CTNND2: variants seen among roughly 807,000 people sequenced by gnomAD.
CTNND2 encodes catenin delta-2.
In CTNND2, 22 loss-of-function variants were observed where a neutral mutation model predicts 144.4. That is an observed-to-expected ratio of 0.15 (90% confidence interval 0.11 to 0.22). The LOEUF (loss-of-function observed/expected upper bound fraction) is 0.22, where lower values mean the gene tolerates loss of function less well. Ranked by LOEUF, CTNND2 falls within the 10% of genes least tolerant of loss-of-function variation. CTNND2 has a pLI of 1.00. For synonymous variants in CTNND2, 751 were observed against 695.6 expected (o/e 1.08, Z -1.25); for missense variants, 1,353 against 1,618.8 (o/e 0.84, Z 2.82).
intron 1 of CTNND2, among the ~76,000 whole-genome samples, chr5:11,899,490 G>A (rs1415406477): frequency 6.6e-6 from 1 of 152,094 alleles, no homozygotes; most frequent in East Asian, 1.9e-4. Context: ...TTTCAGAATA[G>A]AAAGTTTAGC....
intron 3 of CTNND2, among the ~76,000 whole-genome samples, chr5:11,530,168 T>C (rs1773614426): frequency 6.6e-6 from 1 of 151,598 alleles, no homozygotes; most frequent in South Asian, 2.1e-4. Flanking sequence ...ACAACTCTAC[T>C]GGGGAAGCAA....
chr5:11,443,350 T>G (rs1329945627), intron 3 of CTNND2, among the ~76,000 whole-genome samples: 1 of 44,216 alleles, frequency 2.3e-5, no homozygotes, highest in Non-Finnish European at 3.9e-5. Flanking sequence ...GGGGAGTGTG[T>G]GGGAGGGTGT....
At chr5:11,532,632 T>C (rs1322009010) in intron 3 of CTNND2, among the ~76,000 whole-genome samples, 1 of 152,150 alleles carries the variant, frequency 6.6e-6, no homozygotes, top group East Asian at 1.9e-4. Flanking sequence ...GTGGTGAAAT[T>C]AACAGAAAGT....
chr5:11,075,962 G>A (rs1428990600), intron 16 of CTNND2, among the ~76,000 whole-genome samples: 2 of 152,134 alleles, frequency 1.3e-5, no homozygotes, highest in African/African-American at 2.4e-5. Flanking sequence ...GAATAAATAC[G>A]CTGTGTTATT....
chr5:11,077,150 C>T (rs963185841), intron 16 of CTNND2, among the ~76,000 whole-genome samples: 1 of 151,960 alleles, frequency 6.6e-6, no homozygotes, highest in Non-Finnish European at 1.5e-5. Context: ...TTTATTAAGT[C>T]CCTACTACAG....
At chr5:11,349,665 C>T (rs756364446) in intron 8 of CTNND2, among the ~76,000 whole-genome samples, 3 of 152,068 alleles carry the variant, frequency 2.0e-5, no homozygotes, top group Non-Finnish European at 4.4e-5. Flanking sequence ...GATGGGTTCA[C>T]TAAGGAATTA....
At chr5:11,624,279 G>A (rs1781033735) in intron 2 of CTNND2, among the ~76,000 whole-genome samples, 1 of 151,996 alleles carries the variant, frequency 6.6e-6, no homozygotes, top group African/African-American at 2.4e-5. Context: ...TACATGTCTT[G>A]ACCAATACTG....
intron 3 of CTNND2, among the ~76,000 whole-genome samples, chr5:11,553,802 G>A (rs1402157984): frequency 6.6e-6 from 1 of 152,032 alleles, no homozygotes; most frequent in East Asian, 1.9e-4. Flanking sequence ...ATTCATTAGA[G>A]TTAGTTTTTG....
intron 9 of CTNND2, among the ~76,000 whole-genome samples, chr5:11,246,702 A>T (rs1386827943): frequency 1.8e-5 from 2 of 108,410 alleles, no homozygotes; most frequent in East Asian, 6.4e-4. Context: ...GGGACACGAC[A>T]GTCTGTGTGT....
intron 2 of CTNND2, among the ~76,000 whole-genome samples, chr5:11,677,950 C>G (rs922398797): frequency 6.6e-6 from 1 of 152,080 alleles, no homozygotes; most frequent in African/African-American, 2.4e-5. Context: ...TTATTTTCTA[C>G]TGGGCCAAAA....
chr5:11,122,481 C>T (rs888188959), intron 12 of CTNND2, among the ~76,000 whole-genome samples: 1 of 151,944 alleles, frequency 6.6e-6, no homozygotes, highest in African/African-American at 2.4e-5. Context: ...CTCTCCCTCA[C>T]CTTCTCCTTG....
At chr5:11,898,737 G>A (rs1737610563) in intron 1 of CTNND2, among the ~76,000 whole-genome samples, 1 of 152,094 alleles carries the variant, frequency 6.6e-6, no homozygotes, top group Non-Finnish European at 1.5e-5. Context: ...ATCATAACAT[G>A]TATTTTGCTC....
At chr5:11,235,208 G>T (rs1741491862) in intron 10 of CTNND2, among the ~76,000 whole-genome samples, 1 of 152,120 alleles carries the variant, frequency 6.6e-6, no homozygotes, top group South Asian at 2.1e-4. Context: ...GACCTTCAGA[G>T]AAACCCTCAA....
chr5:11,345,032 C>T (rs1213342875), intron 9 of CTNND2, among the ~76,000 whole-genome samples: 1 of 152,068 alleles, frequency 6.6e-6, no homozygotes, highest in Non-Finnish European at 1.5e-5. Context: ...TAAACAATGT[C>T]AAATCACATA....
chr5:11,062,627 T>C (rs1490279744), intron 16 of CTNND2, among the ~76,000 whole-genome samples: 1 of 152,160 alleles, frequency 6.6e-6, no homozygotes, highest in Non-Finnish European at 1.5e-5. Context: ...AACGCCAAGC[T>C]CATAGCTATA....
chr5:11,253,970 A>G (rs1464813425), intron 9 of CTNND2, among the ~76,000 whole-genome samples: 1 of 152,126 alleles, frequency 6.6e-6, no homozygotes, highest in Non-Finnish European at 1.5e-5. Context: ...GGTGTAATCT[A>G]TTGCCTTGAC....
chr5:11,484,315 C>T (rs539938793), intron 3 of CTNND2, among the ~76,000 whole-genome samples: 9 of 152,188 alleles, frequency 5.9e-5, no homozygotes, highest in Non-Finnish European at 1.5e-5. Context: ...GAATTTGGCT[C>T]CGAATCTGCC....
chr5:11,442,681 AGT>A (rs935629292), intron 3 of CTNND2, among the ~76,000 whole-genome samples: 1 of 151,570 alleles, frequency 6.6e-6, no homozygotes, highest in African/African-American at 2.4e-5. Context: ...TTCCTACTGA[AGT>A]GTAAGGAAAG....
intron 1 of CTNND2, among the ~76,000 whole-genome samples, chr5:11,847,643 AAAG>A (rs1386181836): frequency 1.3e-5 from 2 of 152,162 alleles, no homozygotes; most frequent in African/African-American, 2.4e-5. Context: ...TTGTCACCAT[AAAG>A]AAGTGATAAA....
Sources: gnomAD v4.1 joint callset for allele counts (sites outside exome capture counted in the v4.1 genomes callset) on GRCh38, gnomAD v4.1.1 for gene constraint, MANE v1.5 for transcripts, NCBI Gene and HGNC (gene_info 2026-07-23, HGNC 2026-07-21) for gene names.